TSPEAR: variants seen among roughly 807,000 people sequenced by gnomAD.
The protein encoded by TSPEAR is thrombospondin type laminin G domain and EAR repeats, also known as thrombospondin-type laminin G domain and EAR repeat-containing protein.
Under a neutral mutation model 71.6 loss-of-function variants are expected in TSPEAR, and 69 were observed. That is an observed-to-expected ratio of 0.96 (90% CI 0.79 to 1.18). The LOEUF is 1.18. Among genes scored for constraint, TSPEAR ranks in the 50% most tolerant of loss-of-function variants. The probability of loss-of-function intolerance (pLI) is 0.00; values close to 1 mark genes in which losing one functional copy is unlikely to be tolerated. For synonymous variants in TSPEAR, 402 were observed against 387.2 expected, an observed-to-expected ratio of 1.04 and a Z score of -0.45; for missense variants, 971 against 894.9, an observed-to-expected ratio of 1.09 and a Z score of -1.09.
At chr21:44,611,272 T>A (rs143044855) in intron 1 of TSPEAR, among the ~76,000 whole-genome samples, 91 of 152,284 alleles carry the variant, frequency 6.0e-4, no homozygotes, top group African/African-American at 2.1e-3. Flanking sequence ...CTACATGTTG[T>A]GGGAGGAACC....
intron 9 of TSPEAR, chr21:44,518,663 C>T (rs2052663002): frequency 6.4e-6 from 3 of 470,694 alleles, no homozygotes; most frequent in African/African-American, 2.0e-5. Flanking sequence ...CCCTGGAGGC[C>T]CGCCCCCTGC....
At chr21:44,627,631 A>T (rs1555934757) in intron 1 of TSPEAR, 1 of 1,601,280 alleles carries the variant, frequency 6.2e-7, no homozygotes. Flanking sequence ...CTGTGCGCCC[A>T]CCTGCTCTGA....
chr21:44,638,700 C>G (rs1983831696), intron 1 of TSPEAR, among the ~76,000 whole-genome samples: 2 of 152,034 alleles, frequency 1.3e-5, no homozygotes, highest in Admixed American at 1.3e-4. Context: ...GCCCCCAACC[C>G]CAGCACGTGG....
rs966162330 is a variant in TSPEAR at position 44,529,799 on chromosome 21, A to C, written c.789T>G (p.Tyr263Ter). The change falls in exon 5 of 12, where the codon TAT becomes TAG. Residue 263 changes from tyrosine (Y) to a stop codon, truncating the protein, a stop_gained and splice_region_variant. Transcript: ENST00000323084. LOFTEE classifies it high-confidence loss of function. ...PEDNEVLKYPYETNIRVTLGP... is the reference protein window; with the variant it reads ...PEDNEVLKYP ...GGGGCGGGTGGCCCCCCTACTAACC[A>C]TAGGGATATTTTAGCACCTCGTTAT... The C allele has an allele frequency of 6.2e-6, 10 of 1,613,524 alleles. No homozygotes were observed. In the African/African-American group the frequency reaches 1.2e-4, roughly 19 times the overall value.
chr21:44,636,181 G>A (rs587635938), intron 1 of TSPEAR, among the ~76,000 whole-genome samples: 1 of 152,328 alleles, frequency 6.6e-6, no homozygotes, highest in South Asian at 2.1e-4. Context: ...GGAACGTCGT[G>A]GATGCTGAGC....
chr21:44,650,648 G>C (rs587691276), intron 1 of TSPEAR, among the ~76,000 whole-genome samples: 1 of 152,238 alleles, frequency 6.6e-6, no homozygotes, highest in Admixed American at 6.5e-5. Context: ...CTCCAGAACC[G>C]TGAGATGTGA....
At chr21:44,662,344 A>G (rs2146268283) in intron 1 of TSPEAR, among the ~76,000 whole-genome samples, 1 of 152,340 alleles carries the variant, frequency 6.6e-6, no homozygotes, top group Admixed American at 6.5e-5. Flanking sequence ...GAATGGCTAT[A>G]TTAATATCAA....
Position 44,516,867 on chromosome 21 carries a change from C to T in TSPEAR, c.1566+5016G>A, listed in dbSNP as rs587753374. On this transcript the variant is annotated intron_variant, in intron 9 of 11. Coordinates refer to ENST00000323084, the MANE Select transcript of TSPEAR (RefSeq NM_144991.3). ...GTTGTCCCCTCCTGGGTATGGCCCTCCCCTCCTTCCTTCCCAGAGGAAGAA... is the reference window on the plus strand; with the variant it reads ...GTTGTCCCCTCCTGGGTATGGCCCTTCCCTCCTTCCTTCCCAGAGGAAGAA... Among the ~76,000 whole-genome samples, 21 of 151,154 alleles carry T rather than the reference C, an allele frequency of 1.4e-4. 1 individual carries two copies. The South Asian group carries it at 3.9e-3, about 28-fold the overall frequency.
chr21:44,559,544 T>C (rs141784318), intron 2 of TSPEAR, among the ~76,000 whole-genome samples: 218 of 152,314 alleles, frequency 1.4e-3, no homozygotes, highest in Non-Finnish European at 2.7e-3. Context: ...CCTGCAATGG[T>C]GTCCTTGGGA....
intron 1 of TSPEAR, chr21:44,613,086 C>G (rs587621473): frequency 2.5e-5 from 18 of 732,986 alleles, no homozygotes; most frequent in Non-Finnish European, 3.7e-5. Context: ...CAGGTGCCCA[C>G]CTGCCTGCTG....
rs140294719 is a variant in TSPEAR, at chr21:44,602,072, G to C, written c.83-34067C>G. The C allele has an allele frequency of 1.5e-4, 62 of 426,894 alleles. No individual in the cohort carries two copies. In the East Asian group the frequency reaches 2.6e-3, roughly 18 times the overall value. The allele number at this position is 426,894 out of a possible 1,614,324, so 26.4% of individuals were successfully genotyped here. On this transcript the variant is annotated intron_variant, in intron 1 of 11. Transcript: ENST00000323084. ...CTCGTCACTGTCCCAGCTCAGTGGC[G>C]AGCCCTGCTCCTCCCCTGCTGTGGG...
intron 1 of TSPEAR, among the ~76,000 whole-genome samples, chr21:44,621,750 G>A (rs1414558858): frequency 2.6e-5 from 4 of 152,226 alleles, no homozygotes; most frequent in Admixed American, 1.3e-4. Flanking sequence ...GTCTGTAGTT[G>A]GCTCTGTAGG....
intron 1 of TSPEAR, chr21:44,654,658 C>A (rs782215746): frequency 1.5e-6 from 2 of 1,335,428 alleles, no homozygotes; most frequent in South Asian, 1.5e-5. Context: ...CAGGGCTGGT[C>A]TGGAGCCTGC....
intron 2 of TSPEAR, among the ~76,000 whole-genome samples, chr21:44,535,900 A>T (rs1414375720): frequency 6.9e-6 from 1 of 144,198 alleles, no homozygotes; most frequent in African/African-American, 2.8e-5. Context: ...GTTTATCAAA[A>T]AAAAAAAAAG....
At position 44,591,871 on chromosome 21, in the gene TSPEAR, G is replaced by A. The variant is rs781822468; in HGVS notation, c.83-23866C>T. ...GCTAGACTGCTGGCAGCATGAGGGT[G>A]TGCAGGAGCTGGTGCAGCCTGATTG... On this transcript the variant is annotated intron_variant, in intron 1 of 11. Transcript: ENST00000323084. 13 of 1,590,646 alleles carry A rather than the reference G, an allele frequency of 8.2e-6. 1 individual carries two copies. The South Asian group carries it at 1.2e-4, about 15-fold the overall frequency.
rs1980901646 is a variant in TSPEAR at position 44,601,502 on chromosome 21, A to G, written c.83-33497T>C. 8.1e-6 allele frequency: 13 copies of G among 1,612,574 alleles called. No individual in the cohort carries two copies. The East Asian group carries it at 2.9e-4, about 36-fold the overall frequency. ...TCATGCTGCCAGCAGTCTAGCTGCC[A>G]GCCGGCTTGCTGCACCACCTCCTGC... On this transcript the variant is annotated intron_variant, in intron 1 of 11. Coordinates refer to ENST00000323084, the MANE Select transcript of TSPEAR (RefSeq NM_144991.3).
At chr21:44,588,402 C>G (rs1381745572) in intron 1 of TSPEAR, among the ~76,000 whole-genome samples, 2 of 152,040 alleles carry the variant, frequency 1.3e-5, no homozygotes, top group African/African-American at 4.8e-5. Context: ...ATGTGGTGAA[C>G]AGGGAAGACT....
chr21:44,690,061 A>G (rs2146311112), intron 1 of TSPEAR, among the ~76,000 whole-genome samples: 1 of 152,092 alleles, frequency 6.6e-6, no homozygotes, highest in South Asian at 2.1e-4. Flanking sequence ...CCTTACAGAC[A>G]CTCCCAGGAT....
intron 9 of TSPEAR, among the ~76,000 whole-genome samples, chr21:44,516,736 C>T (rs900606343): frequency 1.3e-5 from 2 of 152,172 alleles, no homozygotes; most frequent in African/African-American, 4.8e-5. Context: ...GGCAGTCCCC[C>T]ATGCCAGGCA....
Sources: allele counts gnomAD v4.1 joint callset (sites outside exome capture counted in the v4.1 genomes callset), GRCh38; gene constraint gnomAD v4.1.1; transcripts MANE v1.5; gene names NCBI Gene and HGNC (gene_info 2026-07-23, HGNC 2026-07-21).